TRPM6: variants seen among roughly 807,000 people sequenced by gnomAD.
TRPM6 encodes the protein transient receptor potential cation channel subfamily M member 6, also known as channel kinase 2.
Under a neutral mutation model 247.6 loss-of-function variants are expected in TRPM6, and 111 were observed. The observed-to-expected ratio is 0.45, with a 90% confidence interval of 0.38 to 0.52. The LOEUF is 0.52. TRPM6 is among the 20% of genes least tolerant of loss of function. The probability of loss-of-function intolerance (pLI) is 0.00; values close to 1 mark genes in which losing one functional copy is unlikely to be tolerated. For synonymous variants in TRPM6, 892 were observed against 853.8 expected, an observed-to-expected ratio of 1.04 and a Z score of -0.78; for missense variants, 2,126 against 2,421.5, an observed-to-expected ratio of 0.88 and a Z score of 2.56.
chr9:74,743,556 A>G (rs1825931482), intron 32 of TRPM6, among the ~76,000 whole-genome samples: 1 of 152,244 alleles, frequency 6.6e-6, no homozygotes, highest in African/African-American at 2.4e-5. Context: ...AAGGGCAAGT[A>G]CAATTATTCC....
In TRPM6 at chr9:74,887,158, G is replaced by C. The variant is rs1010481671; in HGVS notation, c.33+666C>G. The C allele has an allele frequency of 4.3e-6, 4 of 929,404 alleles. No homozygotes were observed. The Middle Eastern group carries it at 7.0e-4, about 162-fold the overall frequency. 57.6% of individuals were successfully genotyped at this position (929,404 alleles called of 1,614,324 possible). The stretch of plus-strand genomic sequence containing the variant: ...CCAGCGGTGGAGAGGAGCCAGCGGG[G>C]ACTCCTGAGGTTGCAAGTCCGGGCG... On this transcript the variant is annotated intron_variant, in intron 1 of 38. Coordinates refer to ENST00000360774, the MANE Select transcript of TRPM6 (RefSeq NM_017662.5).
intron 3 of TRPM6, among the ~76,000 whole-genome samples, chr9:74,850,744 A>C (rs1301495049): frequency 6.6e-6 from 1 of 152,074 alleles, no homozygotes; most frequent in African/African-American, 2.4e-5. Context: ...AAAACAAACA[A>C]AAAAAAGGCA....
intron 1 of TRPM6, chr9:74,887,206 G>T (rs1374040773): frequency 1.6e-6 from 2 of 1,249,320 alleles, no homozygotes; most frequent in Non-Finnish European, 2.0e-6. Flanking sequence ...GGAAGGAAGC[G>T]GACTGCGGCG....
At position 74,766,154 on chromosome 9, in the gene TRPM6, T is replaced by C. The variant is rs186918404; in HGVS notation, c.3537-3020A>G. ...CAGCAGTCACATCGAATGGATACAA[T>C]AGAAACCAGCAACTATTCACAGCCA... On this transcript the variant is annotated intron_variant, in intron 25 of 38. Transcript: ENST00000360774. 2.5e-3 allele frequency among the ~76,000 whole-genome samples: 383 copies of C among 152,310 alleles called. 3 individuals carry two copies. Among genetic ancestry groups the C allele is most frequent in the African/African-American group, 8.3e-3 (345 of 41,570 alleles).
chr9:74,875,064 C>G (rs1009595865), intron 1 of TRPM6, among the ~76,000 whole-genome samples: 2 of 152,014 alleles, frequency 1.3e-5, no homozygotes, highest in Admixed American at 1.3e-4. Context: ...CATGCCTGGC[C>G]TGTAATTGTA....
At chr9:74,754,564 G>A (rs952244897) in intron 28 of TRPM6, among the ~76,000 whole-genome samples, 2 of 152,102 alleles carry the variant, frequency 1.3e-5, no homozygotes, top group African/African-American at 4.8e-5. Flanking sequence ...ATCACCCCTT[G>A]GTTGAGAACC....
At chr9:74,758,774 T>C (rs990541260) in intron 27 of TRPM6, among the ~76,000 whole-genome samples, 2 of 152,162 alleles carry the variant, frequency 1.3e-5, no homozygotes, top group African/African-American at 4.8e-5. Context: ...TACCAGAGGT[T>C]CTGTTCAGTG....
At chr9:74,819,041 C>T (rs1227076571) in intron 9 of TRPM6, among the ~76,000 whole-genome samples, 1 of 152,154 alleles carries the variant, frequency 6.6e-6, no homozygotes, top group Non-Finnish European at 1.5e-5. Context: ...GGCACAGTGG[C>T]TTATGCCTGC....
chr9:74,822,831 A>G (rs1829178565), intron 7 of TRPM6, among the ~76,000 whole-genome samples: 1 of 152,136 alleles, frequency 6.6e-6, no homozygotes, highest in Non-Finnish European at 1.5e-5. Context: ...GTATTATCCT[A>G]TGTATATTTT....
rs551198010 is a variant in TRPM6 at position 74,769,644 on chromosome 9, G to A, written c.3536+2059C>T. On this transcript the variant is annotated intron_variant, in intron 25 of 38. Transcript: ENST00000360774. ...GTGGTGGCACACACCTGTAATCCCA[G>A]CTACTCGGGAGGCTGAGGCAGGAGA... Among the ~76,000 whole-genome samples, 3 of 152,068 alleles carry A rather than the reference G, an allele frequency of 2.0e-5. No homozygotes were observed. In the South Asian group the frequency reaches 6.2e-4, roughly 32 times the overall value.
rs1168340865 is a variant in TRPM6 at position 74,816,880 on chromosome 9, C to A, written c.1207+12G>T. ...AAATGAGGAACAATTGCAACCCCAT[C>A]CAGATACTCACCCTTCAGCAAAGCT... On this transcript the variant is annotated intron_variant, in intron 10 of 38. Transcript: ENST00000360774. 2 of 1,613,854 alleles carry A rather than the reference C, an allele frequency of 1.2e-6. No homozygotes were observed. Among genetic ancestry groups the A allele is most frequent in the Non-Finnish European group, 1.7e-6 (2 of 1,179,742 alleles).
At chr9:74,750,806 C>A in intron 29 of TRPM6, 84 bp from the exon 30 acceptor site, 1 of 1,200,950 alleles carries the variant, frequency 8.3e-7, no homozygotes, top group South Asian at 1.2e-5. Flanking sequence ...AAACACGCTC[C>A]TTGGAGAATC....
chr9:74,780,191 G>A (rs1827384166), intron 23 of TRPM6, among the ~76,000 whole-genome samples: 1 of 151,288 alleles, frequency 6.6e-6, no homozygotes, highest in Admixed American at 6.6e-5. Flanking sequence ...ACAGGGGCCA[G>A]GCATGGTGGC....
chr9:74,736,275 AC>A (rs1288706391), intron 36 of TRPM6, among the ~76,000 whole-genome samples: 5 of 152,178 alleles, frequency 3.3e-5, no homozygotes, highest in Non-Finnish European at 7.3e-5. Flanking sequence ...TCACAGTGGA[AC>A]CAGAAGTCAG....
rs775749981 is a variant in TRPM6 at position 74,738,470 on chromosome 9, A to G, written c.5713T>C (p.Leu1905=). ...TPTNTLEELM[L]AFSHWTYEYT... ...TCATAGGTCCAGTGAGAGAAAGCCA[A>G]CATCAGCTCCTCCAGGGTGTTGGTG... The change falls in exon 36 of 39, where the codon TTG becomes CTG. Residue 1905 remains leucine, a synonymous_variant. Transcript: ENST00000360774. 1.9e-6 allele frequency: 3 copies of G among 1,614,130 alleles called. No individual in the cohort carries two copies. Among genetic ancestry groups the G allele is most frequent in the Admixed American group, 3.3e-5 (2 of 60,016 alleles).
chr9:74,846,214 T>C (rs1273788552), intron 3 of TRPM6, among the ~76,000 whole-genome samples: 1 of 152,222 alleles, frequency 6.6e-6, no homozygotes, highest in African/African-American at 2.4e-5. Context: ...TTCTGTTTTC[T>C]TTAGATTTCT....
intron 3 of TRPM6, among the ~76,000 whole-genome samples, chr9:74,849,357 A>G (rs1304471213): frequency 6.6e-6 from 1 of 151,760 alleles, no homozygotes; most frequent in East Asian, 1.9e-4. Flanking sequence ...ATCTCAAAAA[A>G]AAAAAAAAAA....
intron 3 of TRPM6, among the ~76,000 whole-genome samples, chr9:74,846,384 A>G (rs1830108615): frequency 6.6e-6 from 1 of 152,126 alleles, no homozygotes; most frequent in Admixed American, 6.6e-5. Flanking sequence ...GAACGGCCCT[A>G]TCATATTATT....
In TRPM6 at chr9:74,724,452, G is replaced by C. The variant is rs967217564; in HGVS notation, c.*161C>G. 1.6e-5 allele frequency: 16 copies of C among 1,003,560 alleles called. No individual in the cohort carries two copies. In the East Asian group the frequency reaches 4.0e-4, roughly 25 times the overall value. The allele number at this position is 1,003,560 out of a possible 1,614,324, so 62.2% of individuals were successfully genotyped here. On this transcript the variant is annotated 3_prime_UTR_variant, in exon 39 of 39. Coordinates refer to ENST00000360774, the MANE Select transcript of TRPM6 (RefSeq NM_017662.5). ...AGGTCAGTGTCTAGGAGAACCCATTGATCATATACCAATGAGGCCTTTGAA... is the reference window on the plus strand; with the variant it reads ...AGGTCAGTGTCTAGGAGAACCCATTCATCATATACCAATGAGGCCTTTGAA...
Sources: gnomAD v4.1 joint callset for allele counts (sites outside exome capture counted in the v4.1 genomes callset) on GRCh38, gnomAD v4.1.1 for gene constraint, MANE v1.5 for transcripts, NCBI Gene and HGNC (gene_info 2026-07-23, HGNC 2026-07-21) for gene names.